Variants in GRID2 observed in about 807,000 individuals in gnomAD.
GRID2 encodes glutamate ionotropic receptor delta type subunit 2, also known as glutamate receptor ionotropic, delta-2.
Under a neutral mutation model 114.8 loss-of-function variants are expected in GRID2, and 33 were observed. The ratio of observed to expected loss-of-function variants is 0.29; its 90% confidence interval spans 0.22 to 0.38. The LOEUF is 0.38. Among genes scored for constraint, GRID2 ranks in the 10% least tolerant of loss-of-function variants. GRID2 has a pLI of 1.00. For synonymous variants in GRID2, 505 were observed against 449.9 expected (o/e 1.12, Z -1.55); for missense variants, 1,184 against 1,257.7 (o/e 0.94, Z 0.89).
chr4:92,691,570 T>C (rs1252506367), intron 2 of GRID2, among the ~76,000 whole-genome samples: 1 of 152,254 alleles, frequency 6.6e-6, no homozygotes, highest in East Asian at 1.9e-4. Flanking sequence ...ATACTCTCTT[T>C]GCCCTGTATC....
intron 1 of GRID2, among the ~76,000 whole-genome samples, chr4:92,406,102 G>A (rs1560610714): frequency 1.3e-5 from 2 of 152,106 alleles, no homozygotes; most frequent in African/African-American, 4.8e-5. Context: ...GTTGGTGGCT[G>A]TTTAGATGGT....
At chr4:92,510,625 C>T (rs964065080) in intron 1 of GRID2, among the ~76,000 whole-genome samples, 2 of 151,414 alleles carry the variant, frequency 1.3e-5, no homozygotes, top group African/African-American at 2.4e-5. Context: ...CAATTAGATA[C>T]GAAGAATACA....
At chr4:93,644,678 AT>A (rs1721946648) in intron 14 of GRID2, among the ~76,000 whole-genome samples, 2 of 152,152 alleles carry the variant, frequency 1.3e-5, no homozygotes, top group African/African-American at 4.8e-5. Flanking sequence ...AAGTGCAGAA[AT>A]TTGCCAAACA....
At position 93,370,467 on chromosome 4, in the gene GRID2, GCA is replaced by G. The variant is rs1289084682; in HGVS notation, c.1246-25135_1246-25134del. Reference sequence around the variant, plus strand: ...CACACACACACGCACACACAAACACGCACACAGAGACACACACACACACGCAC... The same window carrying G: ...CACACACACACGCACACACAAACACGCACAGAGACACACACACACACGCAC... On this transcript the variant is annotated intron_variant, in intron 8 of 15. Coordinates refer to ENST00000282020, the MANE Select transcript of GRID2 (RefSeq NM_001510.4). 2.2e-5 allele frequency among the ~76,000 whole-genome samples: 3 copies of G among 136,964 alleles called. No individual in the cohort carries two copies. In the East Asian group the frequency reaches 6.5e-4, roughly 29 times the overall value. The allele number at this position is 136,964 out of a possible 152,430, so 89.9% of individuals were successfully genotyped here.
chr4:93,595,233 T>C (rs552262695), intron 13 of GRID2, among the ~76,000 whole-genome samples: 19 of 152,340 alleles, frequency 1.2e-4, no homozygotes, highest in African/African-American at 4.6e-4. Flanking sequence ...TGAAATTCCT[T>C]AGCATTTAGT....
chr4:92,566,387 C>T (rs1046551466), intron 1 of GRID2, among the ~76,000 whole-genome samples: 2 of 151,348 alleles, frequency 1.3e-5, no homozygotes, highest in African/African-American at 2.4e-5. Context: ...TTGCCAACAA[C>T]GAAAAAGGGG....
chr4:92,403,346 T>A (rs904769316), intron 1 of GRID2, among the ~76,000 whole-genome samples: 1 of 152,170 alleles, frequency 6.6e-6, no homozygotes, highest in Non-Finnish European at 1.5e-5. Flanking sequence ...TTTCAGCCTA[T>A]CTCAACTTTT....
At chr4:93,192,535 A>G (rs1741081296) in intron 4 of GRID2, among the ~76,000 whole-genome samples, 1 of 152,088 alleles carries the variant, frequency 6.6e-6, no homozygotes, top group South Asian at 2.1e-4. Flanking sequence ...TAAGGTCAGG[A>G]GTTCAAGACC....
intron 1 of GRID2, among the ~76,000 whole-genome samples, chr4:92,366,906 AT>A (rs778715553): frequency 6.6e-6 from 1 of 152,116 alleles, no homozygotes. Flanking sequence ...TGGAAAAAAA[AT>A]ATTTGCAAAC....
At chr4:93,026,037 T>C (rs1723855215) in intron 2 of GRID2, among the ~76,000 whole-genome samples, 1 of 151,796 alleles carries the variant, frequency 6.6e-6, no homozygotes, top group South Asian at 2.1e-4. Context: ...GATAATTTTC[T>C]AATTCATTTA....
intron 14 of GRID2, among the ~76,000 whole-genome samples, chr4:93,717,198 A>G (rs1321050930): frequency 6.6e-6 from 1 of 152,212 alleles, no homozygotes; most frequent in Non-Finnish European, 1.5e-5. Context: ...AGATACTAAA[A>G]TAACTAATTA....
rs1013041002 is a variant in GRID2 at position 92,662,537 on chromosome 4, A to G, written c.244+72251A>G. 6.0e-5 allele frequency among the ~76,000 whole-genome samples: 9 copies of G among 151,004 alleles called. No individual in the cohort carries two copies. In the East Asian group the frequency reaches 1.5e-3, roughly 26 times the overall value. ...GTTACTTTGAATCATTGTCTCTACT[A>G]TATAGTATTCCTAACTTCTCCAGAC... On this transcript the variant is annotated intron_variant, in intron 2 of 15. Transcript: ENST00000282020.
intron 2 of GRID2, among the ~76,000 whole-genome samples, chr4:92,965,473 A>AAAAAAAAAAAAAAAAAAAAAAAC (rs1753090511): frequency 1.9e-5 from 1 of 53,802 alleles, no homozygotes; most frequent in South Asian, 6.3e-4. Flanking sequence ...AAAAAAAAAA[A>AAAAAAAAAAAAAAAAAAAAAAAC]AAAAAAAAAA....
intron 2 of GRID2, among the ~76,000 whole-genome samples, chr4:92,997,992 C>A (rs905012412): frequency 1.3e-5 from 2 of 151,782 alleles, no homozygotes; most frequent in Admixed American, 6.6e-5. Context: ...CTTGGTGGCT[C>A]CTAAAAGCTA....
intron 2 of GRID2, among the ~76,000 whole-genome samples, chr4:92,704,072 C>G (rs149616094): frequency 1.3e-5 from 2 of 152,162 alleles, no homozygotes; most frequent in African/African-American, 4.8e-5. Context: ...GTCAGGAGAT[C>G]GACACCATCC....
chr4:93,466,205 T>C (rs1452976570), intron 11 of GRID2, among the ~76,000 whole-genome samples: 1 of 152,200 alleles, frequency 6.6e-6, no homozygotes, highest in Admixed American at 6.5e-5. Flanking sequence ...CTGATGGCAG[T>C]CTGAAACCAT....
intron 1 of GRID2, among the ~76,000 whole-genome samples, chr4:92,490,933 G>A (rs527275554): frequency 6.6e-6 from 1 of 151,872 alleles, no homozygotes; most frequent in Non-Finnish European, 1.5e-5. Context: ...ATAAAATCTA[G>A]TATCTATCTA....
chr4:93,075,184 A>C (rs1299083717), intron 2 of GRID2, among the ~76,000 whole-genome samples: 1 of 152,174 alleles, frequency 6.6e-6, no homozygotes, highest in East Asian at 1.9e-4. Flanking sequence ...CCATATTAGC[A>C]GACTAAAAAA....
chr4:93,687,276 G>A (rs1726158181), intron 14 of GRID2, among the ~76,000 whole-genome samples: 1 of 152,028 alleles, frequency 6.6e-6, no homozygotes, highest in Non-Finnish European at 1.5e-5. Flanking sequence ...GGTTGCAATG[G>A]GGGTGGAAGG....
Sources: allele counts gnomAD v4.1 joint callset (sites outside exome capture counted in the v4.1 genomes callset), GRCh38; gene constraint gnomAD v4.1.1; transcripts MANE v1.5; gene names NCBI Gene and HGNC (gene_info 2026-07-23, HGNC 2026-07-21).